Variants in CFAP52 observed in about 807,000 individuals in gnomAD.
CFAP52 encodes cilia- and flagella-associated protein 52.
CFAP52 carries 57 observed loss-of-function variants against 70.5 expected under a neutral mutation model. The ratio of observed to expected loss-of-function variants is 0.81; its 90% CI spans 0.65 to 1.01. The LOEUF (loss-of-function observed/expected upper bound fraction) is 1.01, where lower values mean the gene tolerates loss of function less well. Ranked by LOEUF, CFAP52 falls within the 50% of genes least tolerant of loss-of-function variation. CFAP52 has a pLI of 0.00. For synonymous variants in CFAP52, 267 were observed against 292.5 expected, an observed-to-expected ratio of 0.91 and a Z score of 0.89; for missense variants, 785 against 788.5, an observed-to-expected ratio of 1.00 and a Z score of 0.05.
chr17:9,623,155 T>G (rs1433344303), intron 8 of CFAP52, among the ~76,000 whole-genome samples: 1 of 152,170 alleles, frequency 6.6e-6, no homozygotes, highest in Non-Finnish European at 1.5e-5. Context: ...TGTTATATCT[T>G]TTTGCTGTAT....
chr17:9,581,327 T>C (rs928865136), intron 1 of CFAP52, among the ~76,000 whole-genome samples: 3 of 152,182 alleles, frequency 2.0e-5, no homozygotes, highest in Non-Finnish European at 2.9e-5. Context: ...GTTATGTGAA[T>C]TTCACTCCAA....
Position 9,600,159 on chromosome 17 carries a change from G to C in CFAP52, c.729G>C (p.Gly243=). ...GGACTAAACTGCTGACAGATGTTGGGCCTGCGAAGGACAAATTCAGTTTGG... is the reference window on the plus strand; with the variant it reads ...GGACTAAACTGCTGACAGATGTTGGCCCTGCGAAGGACAAATTCAGTTTGG... ...NPRTKLLTDV[G]PAKDKFSLGV... is the part of the protein sequence containing the mutation. Residue 243 remains glycine, a synonymous_variant, in exon 6 of 14, where the codon GGG becomes GGC. Coordinates refer to ENST00000352665, the MANE Select transcript of CFAP52 (RefSeq NM_145054.5). 3.1e-6 allele frequency: 5 copies of C among 1,613,974 alleles called. No individual in the cohort carries two copies. The highest frequency in any genetic ancestry group is 4.2e-6 in the Non-Finnish European group (5 of 1,179,922).
intron 6 of CFAP52, among the ~76,000 whole-genome samples, chr17:9,603,935 T>G (rs1909380337): frequency 6.6e-6 from 1 of 151,942 alleles, no homozygotes; most frequent in Non-Finnish European, 1.5e-5. Context: ...ATCAAGACAG[T>G]GTAGGGTTGG....
intron 11 of CFAP52, among the ~76,000 whole-genome samples, chr17:9,636,514 G>T (rs372058371): frequency 3.3e-5 from 5 of 152,128 alleles, no homozygotes; most frequent in Middle Eastern, 3.2e-3. Context: ...GTGGCTTTTT[G>T]AATTTTTGAC....
chr17:9,631,049 A>C (rs1597793377), intron 9 of CFAP52, among the ~76,000 whole-genome samples: 1 of 86,744 alleles, frequency 1.2e-5, no homozygotes, highest in East Asian at 6.8e-4. Flanking sequence ...AGAGAGAGAG[A>C]GAGAGAAAGA....
At chr17:9,616,271 G>C (rs1320896082) in intron 8 of CFAP52, among the ~76,000 whole-genome samples, 68 of 143,858 alleles carry the variant, frequency 4.7e-4, no homozygotes, top group Non-Finnish European at 8.3e-4. Context: ...ACTCCCACCC[G>C]AATATTGCGC....
At chr17:9,596,395 C>A (rs972261503) in intron 4 of CFAP52, among the ~76,000 whole-genome samples, 1 of 151,994 alleles carries the variant, frequency 6.6e-6, no homozygotes, top group African/African-American at 2.4e-5. Flanking sequence ...AGCCACCATG[C>A]CTGGCCCAAA....
chr17:9,622,769 C>T (rs1359158344), intron 8 of CFAP52, among the ~76,000 whole-genome samples: 1 of 152,062 alleles, frequency 6.6e-6, no homozygotes, highest in Non-Finnish European at 1.5e-5. Flanking sequence ...ACTTATCACA[C>T]CTATATGACT....
rs1908896922 is a variant in CFAP52, at chr17:9,594,245, G to A, written c.460G>A (p.Ala154Thr). The change falls in exon 4 of 14, where the codon GCC (alanine) becomes ACC (threonine). Residue 154 changes from alanine (A) to threonine (T), a missense_variant. Coordinates refer to ENST00000352665, the MANE Select transcript of CFAP52 (RefSeq NM_145054.5). ...AGATGCCATCTGTGGCAGCCCTGCA[G>A]CCGGCCTCAATGTTGGCAATGCCAC... The part of the protein sequence containing the change: ...KRDAICGSPA[A>T]GLNVGNATNV... 8.7e-6 allele frequency: 14 copies of A among 1,613,976 alleles called. No homozygotes were observed. The highest frequency in any genetic ancestry group is 1.2e-5 in the Non-Finnish European group (14 of 1,179,954).
intron 8 of CFAP52, among the ~76,000 whole-genome samples, chr17:9,614,443 A>G (rs1221386867): frequency 6.6e-6 from 1 of 152,132 alleles, no homozygotes; most frequent in Non-Finnish European, 1.5e-5. Context: ...GGCGTGAGCC[A>G]CCACGCCTGG....
intron 13 of CFAP52, 92 bp downstream of exon 13, chr17:9,641,927 C>A: frequency 1.8e-6 from 2 of 1,121,218 alleles, no homozygotes; most frequent in Non-Finnish European, 2.6e-6. Context: ...GAAAAGACAA[C>A]AAAAGGGTCT....
At chr17:9,609,990 GGAGAGA>G (rs137875006) in intron 7 of CFAP52, among the ~76,000 whole-genome samples, 1 of 148,918 alleles carries the variant, frequency 6.7e-6, no homozygotes, top group African/African-American at 2.5e-5. Context: ...TCTGATTTCT[GGAGAGA>G]GAGAGAGAGA....
At chr17:9,606,137 C>T (rs1370543484) in intron 6 of CFAP52, among the ~76,000 whole-genome samples, 3 of 152,098 alleles carry the variant, frequency 2.0e-5, no homozygotes, top group African/African-American at 7.2e-5. Flanking sequence ...AATCTTAGCG[C>T]TTTGGGAGGC....
rs139797033 is a variant in CFAP52 at position 9,593,030 on chromosome 17, C to T, written c.408-1163C>T. Among the ~76,000 whole-genome samples, 103 of 152,210 alleles carry T rather than the reference C, an allele frequency of 6.8e-4. 1 individual carries two copies. Among genetic ancestry groups the T allele is most frequent in the Non-Finnish European group, 8.4e-4 (57 of 68,004 alleles). On this transcript the variant is annotated intron_variant, in intron 3 of 13. Transcript: ENST00000352665. ...TTATGGCTATTATATGACTTCCTAC[C>T]TCCCTATTCCTGGTGATCTTGGTTA...
chr17:9,600,129 C>T lies in CFAP52; in HGVS notation c.699C>T (p.Asn233=). ...CGACTGGAGATATTCTAAAAATGAA[C>T]CCCAGGACTAAACTGCTGACAGATG... is the stretch of plus-strand genomic sequence containing the variant. The part of the protein sequence containing the change: ...GTTTGDILKM[N]PRTKLLTDVG... Residue 233 remains asparagine (N), a synonymous_variant, in exon 6 of 14, where the codon AAC becomes AAT. Coordinates refer to ENST00000352665, the MANE Select transcript of CFAP52 (RefSeq NM_145054.5). 1 of 1,614,018 alleles carries T rather than the reference C, an allele frequency of 6.2e-7. No individual in the cohort carries two copies.
Position 9,643,076 on chromosome 17 carries a change from C to G in CFAP52, c.1741C>G (p.His581Asp). The G allele has an allele frequency of 6.2e-7, 1 of 1,612,054 alleles. No individual in the cohort carries two copies. The highest frequency in any genetic ancestry group is 8.5e-7 in the Non-Finnish European group (1 of 1,179,230). The change falls in exon 14 of 14, where the codon CAC becomes GAC. Residue 581 changes from histidine to aspartate, a missense_variant. Transcript: ENST00000352665. Reference protein sequence around the residue: ...VWDYNEGEVTHVGVGHSGNIT... With the variant: ...VWDYNEGEVTDVGVGHSGNIT... The stretch of plus-strand genomic sequence containing the variant: ...GGATTATAATGAGGGTGAAGTGACT[C>G]ACGTTGGGGTGGGACACAGTGGCAA...
intron 6 of CFAP52, among the ~76,000 whole-genome samples, chr17:9,605,428 C>A (rs148510531): frequency 6.6e-6 from 1 of 152,092 alleles, no homozygotes; most frequent in African/African-American, 2.4e-5. Context: ...ATAAAAAGAT[C>A]AGGCTGGGCG....
chr17:9,591,959 G>A (rs1237046055), intron 3 of CFAP52, among the ~76,000 whole-genome samples: 2 of 152,148 alleles, frequency 1.3e-5, no homozygotes, highest in African/African-American at 4.8e-5. Context: ...CTATGCAAAA[G>A]GATCCAAAAT....
intron 9 of CFAP52, among the ~76,000 whole-genome samples, chr17:9,631,415 G>A (rs1218307240): frequency 6.6e-6 from 1 of 152,130 alleles, no homozygotes; most frequent in Admixed American, 6.5e-5. Flanking sequence ...TTGCTGAAAT[G>A]GGATCTACCT....
Sources: gnomAD v4.1 joint callset for allele counts (sites outside exome capture counted in the v4.1 genomes callset) on GRCh38, gnomAD v4.1.1 for gene constraint, MANE v1.5 for transcripts, NCBI Gene and HGNC (gene_info 2026-07-23, HGNC 2026-07-21) for gene names.